The following PFKFB4 variants were observed in gnomAD, a reference collection of about 807,000 sequenced individuals.
PFKFB4 encodes the protein 6-phosphofructo-2-kinase/fructose-2,6-bisphosphatase 4.
Under a neutral mutation model 62.8 loss-of-function variants are expected in PFKFB4, and 42 were observed. The observed-to-expected ratio is 0.67, with a 90% CI of 0.52 to 0.86. PFKFB4 has a LOEUF of 0.86. PFKFB4 is among the 40% of genes least tolerant of loss of function. PFKFB4 has a pLI of 0.00. For synonymous variants in PFKFB4, 204 were observed against 240.7 expected, an observed-to-expected ratio of 0.85 and a Z score of 1.41; for missense variants, 475 against 627.2, an observed-to-expected ratio of 0.76 and a Z score of 2.59.
intron 7 of PFKFB4, 130 bp downstream of exon 7, chr3:48,538,368 A>C (rs1315675931): frequency 8.5e-7 from 1 of 1,175,346 alleles, no homozygotes; most frequent in African/African-American, 1.5e-5. Flanking sequence ...AAGGAAATAA[A>C]CAAGAAAGGT....
upstream of PFKFB4, chr3:48,562,672 G>A: frequency 2.0e-6 from 2 of 1,024,018 alleles, no homozygotes; most frequent in Middle Eastern, 3.2e-4. The surrounding 1 kb of genome is among the most constrained non-coding windows in gnomAD (Gnocchi z 4.3). Context: ...GCCCAGATGT[G>A]GCAGCGTCCA....
intron 9 of PFKFB4, among the ~76,000 whole-genome samples, chr3:48,528,855 T>C (rs1288662965): frequency 1.3e-5 from 2 of 152,118 alleles, no homozygotes; most frequent in Non-Finnish European, 2.9e-5. Flanking sequence ...CGAATAAACC[T>C]TGAAAACATT....
Position 48,519,594 on chromosome 3 carries a change from G to A in PFKFB4, c.*153C>T. On this transcript the variant is annotated 3_prime_UTR_variant, in exon 14 of 14. Transcript: ENST00000232375. ...GCCGACTGTCAACAAAGAGCCAGGT[G>A]GGCTGGGGTGGGGGCTCTGGGTTCC... 1 of 632,582 alleles carries A rather than the reference G, an allele frequency of 1.6e-6. No homozygotes were observed. 39.2% of individuals were successfully genotyped at this position (632,582 alleles called of 1,614,324 possible). A position where few individuals can be genotyped will look rare whatever the true frequency, so the allele number is the denominator to read the frequency against.
chr3:48,531,675 C>T (rs1196010743), intron 9 of PFKFB4, among the ~76,000 whole-genome samples: 2 of 151,740 alleles, frequency 1.3e-5, no homozygotes, highest in Non-Finnish European at 2.9e-5. Context: ...TGCCTGTAGT[C>T]CTAGCTACTC....
intron 1 of PFKFB4, among the ~76,000 whole-genome samples, chr3:48,555,770 G>T (rs954570977): frequency 2.0e-5 from 3 of 152,132 alleles, no homozygotes; most frequent in Non-Finnish European, 1.5e-5. Flanking sequence ...GCTGGGTGTG[G>T]TGGCGCACCT....
rs189634595 is a variant in PFKFB4, at chr3:48,530,504, C to T, written c.988-4835G>A. Reference sequence around the variant, plus strand: ...AAAGACTATTGGAATAAAAACATTGCCTACCTTTCAAATAACAAAAAAGAT... The same window carrying T: ...AAAGACTATTGGAATAAAAACATTGTCTACCTTTCAAATAACAAAAAAGAT... On this transcript the variant is annotated intron_variant, in intron 9 of 13. Coordinates refer to ENST00000232375, the MANE Select transcript of PFKFB4 (RefSeq NM_004567.4). Among the ~76,000 whole-genome samples the T allele has an allele frequency of 7.2e-5, 11 of 152,036 alleles. No homozygotes were observed. The East Asian group carries it at 1.7e-3, about 24-fold the overall frequency.
rs2042087183 is a variant in PFKFB4 at position 48,521,273 on chromosome 3, G to A, written c.1350+713C>T. Reference sequence around the variant, plus strand: ...CAGTGGCCTCCAGGAACTGGGACCGGGGCTCCCAGAAGTGTAGGTCCTATC... The same window carrying A: ...CAGTGGCCTCCAGGAACTGGGACCGAGGCTCCCAGAAGTGTAGGTCCTATC... On this transcript the variant is annotated intron_variant, in intron 13 of 13. Transcript: ENST00000232375. The surrounding 1 kb of genome is among the most constrained non-coding windows in gnomAD (Gnocchi z 5.3). Among the ~76,000 whole-genome samples, 1 of 152,188 alleles carries A rather than the reference G, an allele frequency of 6.6e-6. No individual in the cohort carries two copies. Among genetic ancestry groups the A allele is most frequent in the South Asian group, 2.1e-4 (1 of 4,832 alleles).
At chr3:48,551,632 C>T (rs1253094399) in intron 1 of PFKFB4, among the ~76,000 whole-genome samples, 3 of 145,428 alleles carry the variant, frequency 2.1e-5, no homozygotes, top group African/African-American at 7.6e-5. Context: ...GCAACCTCTG[C>T]CTCCCGGGCT....
At chr3:48,546,737 C>T (rs1018697592) in intron 3 of PFKFB4, among the ~76,000 whole-genome samples, 21 of 152,188 alleles carry the variant, frequency 1.4e-4, no homozygotes, top group African/African-American at 5.1e-4. Context: ...ATACAAACAA[C>T]ATGGTTTATG....
chr3:48,536,269 G>T lies in PFKFB4; in HGVS notation c.827C>A (p.Pro276His). ...GRIGGDPGLS[P>H]RGREFAKSLA... ...ACATGCACTGACCTCCCTGCCCCGAGGGGACAGTCCTGGGTCCCCGCCAAT... is the reference window on the plus strand; with the variant it reads ...ACATGCACTGACCTCCCTGCCCCGATGGGACAGTCCTGGGTCCCCGCCAAT... Residue 276 changes from proline (P) to histidine (H), a missense_variant, in exon 8 of 14, where the codon CCT becomes CAT. Physicochemically the swap from Pro to His is moderately conservative, Grantham distance 77. Transcript: ENST00000232375. The T allele has an allele frequency of 6.2e-7, 1 of 1,613,632 alleles. No individual in the cohort carries two copies.
At chr3:48,538,752 G>T in intron 6 of PFKFB4, 133 bp from the exon 7 acceptor site, 2 of 1,120,590 alleles carry the variant, frequency 1.8e-6, no homozygotes, top group Non-Finnish European at 2.5e-6. Context: ...GAGGCTGGAA[G>T]CTGAGGTGGG....
upstream of PFKFB4, among the ~76,000 whole-genome samples, chr3:48,557,188 CCCTGA>C (rs892672649): frequency 6.6e-6 from 1 of 152,262 alleles, no homozygotes; most frequent in Non-Finnish European, 1.5e-5. Context: ...GGCGCTGCAT[CCCTGA>C]GCAGCGGCAC....
Position 48,517,692 on chromosome 3 carries a change from T to A in PFKFB4, c.*2055A>T, listed in dbSNP as rs1317320572. Reference sequence around the variant, plus strand: ...CCAAATACAACCTGAGATTATTTTTTAAAAAGTATTTATTGCAAAGAATGC... The same window carrying A: ...CCAAATACAACCTGAGATTATTTTTAAAAAAGTATTTATTGCAAAGAATGC... On this transcript the variant is annotated 3_prime_UTR_variant, in exon 14 of 14. Coordinates refer to ENST00000232375, the MANE Select transcript of PFKFB4 (RefSeq NM_004567.4). The A allele has an allele frequency of 2.6e-5, 4 of 152,688 alleles. No homozygotes were observed. Among genetic ancestry groups the A allele is most frequent in the East Asian group, 1.9e-4 (1 of 5,206 alleles). The allele number at this position is 152,688 out of a possible 1,614,324, so 9.5% of individuals were successfully genotyped here. A position where few individuals can be genotyped will look rare whatever the true frequency, so the allele number is the denominator to read the frequency against.
At chr3:48,522,549 TGAA>T (rs758200085) in intron 12 of PFKFB4, among the ~76,000 whole-genome samples, 1 of 152,106 alleles carries the variant, frequency 6.6e-6, no homozygotes, top group Non-Finnish European at 1.5e-5. Flanking sequence ...ACCTGAGAGA[TGAA>T]GAAGTTGCCT....
chr3:48,539,400 C>T (rs926751597), intron 5 of PFKFB4, 90 bp from the exon 6 acceptor site: 2 of 1,104,368 alleles, frequency 1.8e-6, no homozygotes, highest in African/African-American at 1.5e-5. Flanking sequence ...AGCTCTCCAT[C>T]CCCTGAGGCC....
chr3:48,554,164 C>T (rs1206248487), intron 1 of PFKFB4, among the ~76,000 whole-genome samples: 2 of 152,132 alleles, frequency 1.3e-5, no homozygotes, highest in Non-Finnish European at 1.5e-5. Flanking sequence ...AAGCACAGAC[C>T]AGCAGTGGGT....
chr3:48,527,283 GTT>G (rs1181191209), intron 9 of PFKFB4, among the ~76,000 whole-genome samples: 114 of 135,648 alleles, frequency 8.4e-4, no homozygotes, highest in African/African-American at 2.7e-3. Context: ...ACATTTAGTG[GTT>G]TTTTTTTTTT....
intron 9 of PFKFB4, among the ~76,000 whole-genome samples, chr3:48,534,180 GA>G (rs199574159): frequency 6.6e-6 from 1 of 151,846 alleles, no homozygotes; most frequent in Non-Finnish European, 1.5e-5. Context: ...AGCTCGGAAG[GA>G]AAAAAAGACA....
At chr3:48,535,471 G>T in intron 9 of PFKFB4, 41 bp downstream of exon 9, 3 of 1,527,304 alleles carry the variant, frequency 2.0e-6, no homozygotes, top group South Asian at 1.1e-5. Context: ...GCAGCCCTGC[G>T]GTATCTGGGA....
Sources: allele counts gnomAD v4.1 joint callset (sites outside exome capture counted in the v4.1 genomes callset), GRCh38; gene constraint gnomAD v4.1.1; non-coding constraint Gnocchi (gnomAD v3.1); transcripts MANE v1.5; gene names NCBI Gene and HGNC (gene_info 2026-07-23, HGNC 2026-07-21).